The following NAV3 variants were observed in gnomAD, a reference collection of about 807,000 sequenced individuals.
NAV3 encodes the protein pore membrane and/or filament interacting like protein 1.
Under a neutral mutation model 244.7 loss-of-function variants are expected in NAV3, and 87 were observed. The ratio of observed to expected loss-of-function variants is 0.36; its 90% CI spans 0.30 to 0.42. NAV3 has a LOEUF of 0.42. Ranked by LOEUF, NAV3 falls within the 20% of genes least tolerant of loss-of-function variation. NAV3 has a pLI of 1.00. For missense variants in NAV3, 2,663 were observed against 2,893.3 expected (o/e 0.92, Z 1.83); for synonymous variants, 1,126 against 1,042.2 (o/e 1.08, Z -1.55).
Position 77,968,548 on chromosome 12 carries a change from C to A in NAV3, c.517C>A (p.Leu173Ile). 1 of 1,613,860 alleles carries A rather than the reference C, an allele frequency of 6.2e-7. No individual in the cohort carries two copies. The highest frequency in any genetic ancestry group is 8.5e-7 in the Non-Finnish European group (1 of 1,179,824). ...AAGAAATGGAAACTTAAAAGCCATT[C>A]TAGGGCTGTTTTTCAGTTTATCTCG... ...EIRNGNLKAI[L>I]GLFFSLSRYK... The change falls in exon 5 of 40, where the codon CTA becomes ATA. Residue 173 changes from leucine (L) to isoleucine (I), a missense_variant. Coordinates refer to ENST00000397909, the MANE Select transcript of NAV3 (RefSeq NM_001024383.2).
chr12:77,928,242 A>AAAG (rs753246963), intron 1 of NAV3, among the ~76,000 whole-genome samples: 35 of 137,840 alleles, frequency 2.5e-4, no homozygotes, highest in African/African-American at 4.2e-4. Context: ...AAAAAAAAAA[A>AAAG]AGAGAGAGAG....
In NAV3 at chr12:77,928,486, G is replaced by A. The variant is rs140535701; in HGVS notation, c.244-11833G>A. Among the ~76,000 whole-genome samples, 399 of 151,984 alleles carry A rather than the reference G, an allele frequency of 2.6e-3. 1 individual carries two copies. The highest frequency in any genetic ancestry group is 9.2e-3 in the African/African-American group (381 of 41,456). ...TTTCAAAATTGTCTGACCTGTTCCC[G>A]ACCCCCTCCCTCCCTTCCTCATTAA... On this transcript the variant is annotated intron_variant, in intron 1 of 39. Coordinates refer to ENST00000397909, the MANE Select transcript of NAV3 (RefSeq NM_001024383.2).
intron 2 of NAV3, among the ~76,000 whole-genome samples, chr12:77,722,302 G>C (rs1876674327): frequency 6.6e-6 from 1 of 151,846 alleles, no homozygotes; most frequent in Non-Finnish European, 1.5e-5. Flanking sequence ...CCTTTTTTCA[G>C]GAAAAGATGA....
chr12:77,984,117 A>G (rs1870048585), intron 5 of NAV3, among the ~76,000 whole-genome samples: 1 of 152,154 alleles, frequency 6.6e-6, no homozygotes, highest in Non-Finnish European at 1.5e-5. Flanking sequence ...ATGATTTCTT[A>G]CTGGGCTAAG....
At chr12:78,176,980 A>G (rs1268164899) in intron 26 of NAV3, among the ~76,000 whole-genome samples, 161 bp from the exon 27 acceptor site, 1 of 151,954 alleles carries the variant, frequency 6.6e-6, no homozygotes, top group Non-Finnish European at 1.5e-5. Flanking sequence ...AAAACACGGT[A>G]TCATTTTTTT....
intron 2 of NAV3, among the ~76,000 whole-genome samples, chr12:77,798,613 C>T (rs1001517347): frequency 3.3e-5 from 5 of 151,758 alleles, no homozygotes; most frequent in African/African-American, 1.2e-4. Flanking sequence ...ATGTATGAAG[C>T]CTTAATATAT....
intron 24 of NAV3, 28 bp downstream of exon 24, chr12:78,168,894 C>T: frequency 1.4e-6 from 2 of 1,481,416 alleles, no homozygotes; most frequent in Non-Finnish European, 1.9e-6. Flanking sequence ...TTCATTTCCA[C>T]CCAATATAAT....
At chr12:77,698,424 G>A (rs1313564498) in intron 2 of NAV3, among the ~76,000 whole-genome samples, 2 of 152,122 alleles carry the variant, frequency 1.3e-5, no homozygotes, top group Non-Finnish European at 2.9e-5. Context: ...GAGCATCCAG[G>A]TGGAACAGAT....
chr12:78,072,911 T>C (rs1171407680), intron 12 of NAV3, among the ~76,000 whole-genome samples: 111 of 136,068 alleles, frequency 8.2e-4, no homozygotes, highest in African/African-American at 2.9e-3. Flanking sequence ...TAATCCAGCA[T>C]ATAAACAGAG....
chr12:77,716,348 T>G (rs1876360875), intron 2 of NAV3, among the ~76,000 whole-genome samples: 1 of 151,716 alleles, frequency 6.6e-6, no homozygotes, highest in African/African-American at 2.4e-5. Flanking sequence ...ATAAAAAGAA[T>G]GAATAAGGAA....
intron 2 of NAV3, among the ~76,000 whole-genome samples, chr12:77,691,653 G>A (rs1875038900): frequency 6.6e-6 from 1 of 151,240 alleles, no homozygotes; most frequent in East Asian, 1.9e-4. Context: ...TTTCTTCGTT[G>A]AATTTTCACA....
chr12:78,100,080 A>G (rs1372400567), intron 12 of NAV3, among the ~76,000 whole-genome samples: 2 of 151,916 alleles, frequency 1.3e-5, no homozygotes, highest in African/African-American at 4.8e-5. Context: ...CTCTTTACTC[A>G]AAACCCACAT....
chr12:77,612,501 G>C (rs1019041581), intron 2 of NAV3, among the ~76,000 whole-genome samples: 2 of 152,122 alleles, frequency 1.3e-5, no homozygotes, highest in Admixed American at 6.6e-5. Context: ...GTGAGAGGCA[G>C]CAGGAGAGAC....
intron 29 of NAV3, 74 bp from the exon 30 acceptor site, chr12:78,180,797 C>T (rs1418483415): frequency 1.7e-6 from 2 of 1,209,552 alleles, no homozygotes; most frequent in Middle Eastern, 2.0e-4. Flanking sequence ...CTAATTAACT[C>T]TGATAAAAGA....
chr12:77,653,280 G>A (rs1872913316), intron 2 of NAV3, among the ~76,000 whole-genome samples: 1 of 152,202 alleles, frequency 6.6e-6, no homozygotes, highest in Admixed American at 6.5e-5. Context: ...ACCTAGCAGA[G>A]TGCCTGATAC....
intron 31 of NAV3, among the ~76,000 whole-genome samples, chr12:78,187,098 C>A (rs1356633935): frequency 1.3e-5 from 2 of 151,884 alleles, no homozygotes; most frequent in Non-Finnish European, 2.9e-5. Flanking sequence ...ACACAAATAT[C>A]ATTTCATAAC....
chr12:78,049,050 A>G (rs1483179400), intron 9 of NAV3, among the ~76,000 whole-genome samples: 1 of 152,118 alleles, frequency 6.6e-6, no homozygotes, highest in African/African-American at 2.4e-5. Context: ...AGCCTCAGTT[A>G]TGGCAGTTGC....
intron 2 of NAV3, among the ~76,000 whole-genome samples, chr12:77,712,403 C>T (rs533713995): frequency 1.3e-5 from 2 of 152,222 alleles, no homozygotes; most frequent in South Asian, 2.1e-4. Flanking sequence ...CACATGGGCT[C>T]TCTCTATGGT....
intron 12 of NAV3, among the ~76,000 whole-genome samples, chr12:78,062,452 A>T (rs903664696): frequency 2.0e-5 from 3 of 152,148 alleles, no homozygotes; most frequent in African/African-American, 4.8e-5. Flanking sequence ...AAAAAACTGA[A>T]TATCATATCT....
Sources: gnomAD v4.1 joint callset for allele counts (sites outside exome capture counted in the v4.1 genomes callset) on GRCh38, gnomAD v4.1.1 for gene constraint, MANE v1.5 for transcripts, NCBI Gene and HGNC (gene_info 2026-07-23, HGNC 2026-07-21) for gene names.